CNTNAP2: variants seen among roughly 807,000 people sequenced by gnomAD.
The protein encoded by CNTNAP2 is contactin associated protein 2.
CNTNAP2 carries 98 observed loss-of-function variants against 155.2 expected under a neutral mutation model. The observed-to-expected ratio is 0.63, with a 90% CI of 0.54 to 0.75. The LOEUF (loss-of-function observed/expected upper bound fraction) is 0.75, where lower values mean the gene tolerates loss of function less well. Ranked by LOEUF, CNTNAP2 falls within the 30% of genes least tolerant of loss-of-function variation. The pLI, the probability that CNTNAP2 is intolerant of heterozygous loss-of-function variation, is 0.00. For synonymous variants in CNTNAP2, 651 were observed against 631.2 expected (o/e 1.03, Z -0.47); for missense variants, 1,727 against 1,688.1 (o/e 1.02, Z -0.40).
At chr7:147,378,502 C>T (rs1796479497) in intron 9 of CNTNAP2, among the ~76,000 whole-genome samples, 2 of 152,086 alleles carry the variant, frequency 1.3e-5, no homozygotes, top group East Asian at 1.9e-4. Flanking sequence ...GTAAACCAGG[C>T]ACAGAAAGAC....
intron 20 of CNTNAP2, among the ~76,000 whole-genome samples, chr7:148,260,068 C>G (rs1796531848): frequency 6.6e-6 from 1 of 152,186 alleles, no homozygotes; most frequent in African/African-American, 2.4e-5. Context: ...TTAACCGTGG[C>G]AAATGCACCA....
At chr7:148,187,957 C>A (rs1042611828) in intron 18 of CNTNAP2, among the ~76,000 whole-genome samples, 3 of 152,000 alleles carry the variant, frequency 2.0e-5, no homozygotes, top group African/African-American at 7.2e-5. Flanking sequence ...CCATCACAGA[C>A]CACACCACCA....
At chr7:148,360,753 T>A (rs1042246211) in intron 21 of CNTNAP2, among the ~76,000 whole-genome samples, 2 of 152,120 alleles carry the variant, frequency 1.3e-5, no homozygotes, top group African/African-American at 4.8e-5. Flanking sequence ...ATTTATGGAC[T>A]AAATTCAGAT....
intron 18 of CNTNAP2, among the ~76,000 whole-genome samples, chr7:148,216,088 C>G (rs570766407): frequency 1.3e-5 from 2 of 152,284 alleles, no homozygotes; most frequent in African/African-American, 4.8e-5. Flanking sequence ...ACCGTGAAGA[C>G]CACAGGATCC....
At chr7:146,227,289 G>A (rs1338993155) in intron 1 of CNTNAP2, among the ~76,000 whole-genome samples, 1 of 151,912 alleles carries the variant, frequency 6.6e-6, no homozygotes, top group Non-Finnish European at 1.5e-5. Flanking sequence ...TCTGGGTGTG[G>A]TGGCATGCAT....
chr7:147,038,916 C>T (rs145175889), intron 3 of CNTNAP2, among the ~76,000 whole-genome samples: 2 of 152,180 alleles, frequency 1.3e-5, no homozygotes, highest in African/African-American at 4.8e-5. Context: ...AAATCTAGAG[C>T]GTGATCATAA....
intron 8 of CNTNAP2, among the ~76,000 whole-genome samples, chr7:147,278,886 G>T (rs1162645873): frequency 6.6e-6 from 1 of 151,072 alleles, no homozygotes; most frequent in East Asian, 1.9e-4. Context: ...ATCTGTGATA[G>T]GATTTTATAA....
intron 3 of CNTNAP2, among the ~76,000 whole-genome samples, chr7:146,953,863 C>A (rs1797375155): frequency 6.6e-6 from 1 of 151,756 alleles, no homozygotes; most frequent in East Asian, 1.9e-4. Flanking sequence ...TAAGCTATTG[C>A]AAATAATAAT....
At chr7:146,181,168 A>T (rs1482821325) in intron 1 of CNTNAP2, among the ~76,000 whole-genome samples, 1 of 152,156 alleles carries the variant, frequency 6.6e-6, no homozygotes, top group African/African-American at 2.4e-5. Context: ...GAACAACATG[A>T]TGACTATACC....
chr7:146,713,898 C>T (rs1801141576), intron 1 of CNTNAP2, among the ~76,000 whole-genome samples: 2 of 151,912 alleles, frequency 1.3e-5, no homozygotes, highest in East Asian at 1.9e-4. Context: ...ATACCTAGCT[C>T]AGAGCATTAT....
rs1264830115 is a variant in CNTNAP2 at position 146,202,890 on chromosome 7, AT to A, written c.97+85924del. ...GAATTTGAATCCATTATCTTTTCCT[AT>A]TTTTTTGTACTTCATACAATAAGCA... On this transcript the variant is annotated intron_variant, in intron 1 of 23. Coordinates refer to ENST00000361727, the MANE Select transcript of CNTNAP2 (RefSeq NM_014141.6). Among the ~76,000 whole-genome samples, 4 of 152,106 alleles carry A rather than the reference AT, an allele frequency of 2.6e-5. No individual in the cohort carries two copies. The East Asian group carries it at 5.8e-4, about 22-fold the overall frequency.
chr7:147,315,703 A>G (rs1795217330), intron 9 of CNTNAP2, among the ~76,000 whole-genome samples: 5 of 151,744 alleles, frequency 3.3e-5, no homozygotes. Flanking sequence ...GATGGTCTCG[A>G]TCTCCTGACC....
chr7:147,405,253 TATC>T (rs1216585315), intron 10 of CNTNAP2, among the ~76,000 whole-genome samples: 5 of 152,346 alleles, frequency 3.3e-5, no homozygotes, highest in African/African-American at 1.2e-4. Flanking sequence ...TTGCTTTTGA[TATC>T]ATATTACCTG....
chr7:147,222,633 T>G (rs756897778), intron 8 of CNTNAP2, among the ~76,000 whole-genome samples: 14 of 152,102 alleles, frequency 9.2e-5, no homozygotes, highest in Non-Finnish European at 1.3e-4. Context: ...CTTTGTAATT[T>G]TTTTTCTTTA....
chr7:147,102,499 G>A (rs1800677609), intron 4 of CNTNAP2, among the ~76,000 whole-genome samples: 1 of 152,102 alleles, frequency 6.6e-6, no homozygotes. Flanking sequence ...CTTTGATATT[G>A]TTGTCACTGT....
chr7:147,500,628 C>A (rs1307186123), intron 11 of CNTNAP2, among the ~76,000 whole-genome samples: 1 of 152,168 alleles, frequency 6.6e-6, no homozygotes, highest in Non-Finnish European at 1.5e-5. Context: ...CACAAACACA[C>A]ACACATACCC....
intron 3 of CNTNAP2, among the ~76,000 whole-genome samples, chr7:146,845,239 A>C (rs1337907749): frequency 6.6e-6 from 1 of 152,218 alleles, no homozygotes; most frequent in Non-Finnish European, 1.5e-5. Context: ...ATATTCCATC[A>C]ACCAGTATTT....
At chr7:147,813,893 A>T (rs1375120500) in intron 13 of CNTNAP2, among the ~76,000 whole-genome samples, 1 of 152,158 alleles carries the variant, frequency 6.6e-6, no homozygotes, top group African/African-American at 2.4e-5. Context: ...AAAGAATATT[A>T]TAGTTCCTTT....
At chr7:146,886,572 A>G (rs1795667212) in intron 3 of CNTNAP2, among the ~76,000 whole-genome samples, 2 of 152,058 alleles carry the variant, frequency 1.3e-5, no homozygotes, top group South Asian at 4.2e-4. Flanking sequence ...TTCTTAATCT[A>G]ATATTCTACC....
Sources: gnomAD v4.1 joint callset for allele counts (sites outside exome capture counted in the v4.1 genomes callset) on GRCh38, gnomAD v4.1.1 for gene constraint, MANE v1.5 for transcripts, NCBI Gene and HGNC (gene_info 2026-07-23, HGNC 2026-07-21) for gene names.